The following DNAH11 variants were observed in gnomAD, a reference collection of about 807,000 sequenced individuals.
DNAH11 encodes the protein dynein axonemal heavy chain 11, also known as axonemal beta dynein heavy chain 11.
In DNAH11, 442 loss-of-function variants were observed where a neutral mutation model predicts 526.0. That is an observed-to-expected ratio of 0.84 (90% CI 0.78 to 0.91). The LOEUF (loss-of-function observed/expected upper bound fraction) is 0.91. Ranked by LOEUF, DNAH11 falls within the 40% of genes least tolerant of loss-of-function variation. DNAH11 has a pLI of 0.00. For synonymous variants in DNAH11, 2,461 were observed against 1,935.9 expected (o/e 1.27, Z -7.12); for missense variants, 6,989 against 5,448.7 (o/e 1.28, Z -8.90).
intron 74 of DNAH11, 48 bp from the exon 75 acceptor site, chr7:21,880,654 G>A (rs781347302): frequency 6.2e-7 from 1 of 1,602,744 alleles, no homozygotes; most frequent in South Asian, 1.1e-5. Context: ...CCTTGCTCTT[G>A]GAAACCATAC....
intron 62 of DNAH11, among the ~76,000 whole-genome samples, chr7:21,806,411 G>A (rs1365328822): frequency 6.6e-6 from 1 of 152,226 alleles, no homozygotes; most frequent in East Asian, 1.9e-4. Context: ...CTAGAGAGCT[G>A]AAGTTCCTTA....
chr7:21,771,561 A>G (rs1388960505), intron 55 of DNAH11, among the ~76,000 whole-genome samples: 2 of 152,156 alleles, frequency 1.3e-5, no homozygotes, highest in Non-Finnish European at 2.9e-5. Flanking sequence ...TCATCTTTGC[A>G]TTTGATTATG....
chr7:21,862,444 A>G (rs1446337593), intron 69 of DNAH11, among the ~76,000 whole-genome samples: 1 of 152,162 alleles, frequency 6.6e-6, no homozygotes, highest in African/African-American at 2.4e-5. Flanking sequence ...TGTTGTCAAA[A>G]ATGACTGAAT....
At position 21,564,267 on chromosome 7, in the gene DNAH11, C is replaced by T. The variant is rs756132238; in HGVS notation, c.1064C>T (p.Pro355Leu). 5.6e-6 allele frequency: 9 copies of T among 1,613,524 alleles called. No individual in the cohort carries two copies. In the East Asian group the frequency reaches 6.7e-5, roughly 12 times the overall value. The change falls in exon 6 of 82, where the codon CCA becomes CTA. Residue 355 changes from proline to leucine, a missense_variant. By Grantham distance (98) the Pro-to-Leu change is moderately conservative. Coordinates refer to ENST00000409508, the MANE Select transcript of DNAH11 (RefSeq NM_001277115.2). Reference protein sequence around the residue: ...HIQCLQETEFPQTRILIAPLF... With the variant: ...HIQCLQETEFLQTRILIAPLF... Reference sequence around the variant, plus strand: ...CAGTGTCTCCAGGAGACGGAATTCCCACAGACACGCATATTAATCGCTCCA... The same window carrying T: ...CAGTGTCTCCAGGAGACGGAATTCCTACAGACACGCATATTAATCGCTCCA...
In DNAH11 at chr7:21,601,588, G is replaced by C; in HGVS notation, c.3618G>C (p.Lys1206Asn). Residue 1206 changes from lysine to asparagine, a missense_variant, in exon 18 of 82, where the codon AAG becomes AAC. Lys to Asn is a moderately conservative substitution (Grantham distance 94). Coordinates refer to ENST00000409508, the MANE Select transcript of DNAH11 (RefSeq NM_001277115.2). ...CCCTCTTGGAAAGCTATGGCCAGAA[G>C]ATGCCTGAGCAGGTCTATATTCAGC... The part of the protein sequence containing the change: ...TITLLESYGQ[K>N]MPEQVYIQLE... 3 of 1,599,702 alleles carry C rather than the reference G, an allele frequency of 1.9e-6. No homozygotes were observed. Among genetic ancestry groups the C allele is most frequent in the Non-Finnish European group, 2.6e-6 (3 of 1,169,120 alleles).
rs1783579030 is a variant in DNAH11, at chr7:21,873,519, G to C, written c.12195+18G>C. 1.2e-6 allele frequency: 2 copies of C among 1,611,174 alleles called. No homozygotes were observed. Among genetic ancestry groups the C allele is most frequent in the African/African-American group, 1.3e-5 (1 of 74,868 alleles). ...TTGATCAGGTAAGAAAGCGAAGCAG[G>C]CTAGGCAGACAATGAAGTCAGAGTC... On this transcript the variant is annotated intron_variant, in intron 74 of 81. Transcript: ENST00000409508.
intron 54 of DNAH11, among the ~76,000 whole-genome samples, chr7:21,752,002 T>G (rs1410512924): frequency 6.6e-6 from 1 of 152,190 alleles, no homozygotes; most frequent in African/African-American, 2.4e-5. Flanking sequence ...AGCTGCAGAA[T>G]CAACATCAAC....
intron 66 of DNAH11, among the ~76,000 whole-genome samples, chr7:21,847,863 A>G (rs867276489): frequency 1.5e-4 from 23 of 152,168 alleles, no homozygotes; most frequent in African/African-American, 4.6e-4. Flanking sequence ...GTGCATACAC[A>G]TTAAAGATTA....
At chr7:21,691,262 G>T in intron 35 of DNAH11, among the ~76,000 whole-genome samples, 1 of 151,000 alleles carries the variant, frequency 6.6e-6, no homozygotes, top group Non-Finnish European at 1.5e-5. Context: ...CCAAGGCGCT[G>T]GTGCTGGCTC....
At chr7:21,676,487 T>C (rs971502043) in intron 30 of DNAH11, among the ~76,000 whole-genome samples, 1 of 152,184 alleles carries the variant, frequency 6.6e-6, no homozygotes, top group Admixed American at 6.5e-5. Flanking sequence ...TATATAACTG[T>C]GGGTACAGAA....
intron 42 of DNAH11, among the ~76,000 whole-genome samples, chr7:21,715,878 T>A (rs1339537483): frequency 6.7e-6 from 1 of 148,878 alleles, no homozygotes; most frequent in African/African-American, 2.5e-5. Context: ...CCCCACTTTT[T>A]TTCTCTCAAG....
intron 35 of DNAH11, among the ~76,000 whole-genome samples, chr7:21,696,432 T>G (rs1034552534): frequency 6.6e-6 from 1 of 152,220 alleles, no homozygotes; most frequent in Non-Finnish European, 1.5e-5. Flanking sequence ...CATAACAGCT[T>G]TCTCTAGCAT....
intron 68 of DNAH11, 122 bp from the exon 69 acceptor site, chr7:21,861,731 A>C: frequency 3.2e-6 from 3 of 926,988 alleles, no homozygotes; most frequent in East Asian, 2.7e-5. Context: ...TAATCCTCCT[A>C]AAAATTTTGC....
intron 25 of DNAH11, among the ~76,000 whole-genome samples, chr7:21,629,113 A>T (rs1786482970): frequency 6.6e-6 from 1 of 151,732 alleles, no homozygotes; most frequent in Non-Finnish European, 1.5e-5. Context: ...TTTCCATTTT[A>T]ATTTGTTTCA....
intron 42 of DNAH11, among the ~76,000 whole-genome samples, chr7:21,716,037 C>T (rs558357248): frequency 6.6e-6 from 1 of 152,104 alleles, no homozygotes; most frequent in African/African-American, 2.4e-5. Context: ...GCTGATGTGA[C>T]TCCATGAAAC....
chr7:21,656,078 A>T, intron 29 of DNAH11, 97 bp downstream of exon 29: 1 of 1,362,186 alleles, frequency 7.3e-7, no homozygotes, highest in Non-Finnish European at 9.7e-7. Context: ...ACCCAGGTCA[A>T]ATCAGGCTCT....
chr7:21,886,064 C>A (rs945184285), intron 76 of DNAH11, among the ~76,000 whole-genome samples: 1 of 152,164 alleles, frequency 6.6e-6, no homozygotes, highest in East Asian at 1.9e-4. Context: ...CACCTGTACA[C>A]CATATCATGT....
intron 4 of DNAH11, among the ~76,000 whole-genome samples, 179 bp from the exon 5 acceptor site, chr7:21,560,892 G>T (rs578112489): frequency 6.6e-6 from 1 of 151,790 alleles, no homozygotes; most frequent in Non-Finnish European, 1.5e-5. Context: ...TAAAATACAA[G>T]GCTAAGAAAA....
At chr7:21,617,854 G>A in intron 23 of DNAH11, 77 bp downstream of exon 23, 1 of 1,413,934 alleles carries the variant, frequency 7.1e-7, no homozygotes, top group Non-Finnish European at 9.4e-7. Flanking sequence ...CATCTGAGAT[G>A]AAGTGTAATT....
Sources: gnomAD v4.1 joint callset for allele counts (sites outside exome capture counted in the v4.1 genomes callset) on GRCh38, gnomAD v4.1.1 for gene constraint, MANE v1.5 for transcripts, NCBI Gene and HGNC (gene_info 2026-07-23, HGNC 2026-07-21) for gene names.